Variants in DIPK2A observed in about 807,000 individuals in gnomAD.
The protein encoded by DIPK2A is divergent protein kinase domain 2A.
DIPK2A carries 27 observed loss-of-function variants against 39.0 expected under a neutral mutation model. The observed-to-expected ratio is 0.69, with a 90% CI of 0.51 to 0.96. The LOEUF (loss-of-function observed/expected upper bound fraction) is 0.96, where lower values mean the gene tolerates loss of function less well. DIPK2A is among the 40% of genes least tolerant of loss of function. DIPK2A has a pLI of 0.00. For missense variants in DIPK2A, 528 were observed against 571.3 expected (o/e 0.92, Z 0.77); for synonymous variants, 298 against 240.8 (o/e 1.24, Z -2.20).
chr3:143,986,981 A>G (rs571939264), intron 2 of DIPK2A, among the ~76,000 whole-genome samples: 29 of 152,220 alleles, frequency 1.9e-4, no homozygotes, highest in African/African-American at 7.0e-4. Context: ...TTAGGTTGAC[A>G]TTTACTTTTT....
chr3:143,975,208 T>C (rs2087711698), intron 1 of DIPK2A, among the ~76,000 whole-genome samples: 1 of 152,094 alleles, frequency 6.6e-6, no homozygotes, highest in South Asian at 2.1e-4. Context: ...TTCCCAGGAA[T>C]AGTACTAATA....
At chr3:143,982,046 A>G (rs1279587288) in intron 1 of DIPK2A, among the ~76,000 whole-genome samples, 1 of 152,228 alleles carries the variant, frequency 6.6e-6, no homozygotes, top group Non-Finnish European at 1.5e-5. Context: ...TATCAGTAAT[A>G]AAAAACAAGT....
chr3:143,982,573 C>G (rs567231915), intron 1 of DIPK2A, among the ~76,000 whole-genome samples: 1 of 152,236 alleles, frequency 6.6e-6, no homozygotes, highest in African/African-American at 2.4e-5. Context: ...ACCACCAGGC[C>G]TGCCTTACAA....
Position 143,989,607 on chromosome 3 carries a change from T to C in DIPK2A, c.1059T>C (p.Arg353=). 1.2e-6 allele frequency: 2 copies of C among 1,614,240 alleles called. No homozygotes were observed. The highest frequency in any genetic ancestry group is 2.2e-5 in the South Asian group (2 of 91,092). ...LSFSKEILCA[R]ATVDHNYYAV... Reference sequence around the variant, plus strand: ...TTTCAAAAGAAATTCTTTGTGCTCGTGCCACTGTGGACCACAATTACTATG... The same window carrying C: ...TTTCAAAAGAAATTCTTTGTGCTCGCGCCACTGTGGACCACAATTACTATG... The change falls in exon 3 of 3, where the codon CGT becomes CGC. Residue 353 remains arginine, a synonymous_variant. Transcript: ENST00000315691.
intron 2 of DIPK2A, among the ~76,000 whole-genome samples, chr3:143,987,122 C>A (rs1177886817): frequency 6.6e-6 from 1 of 152,130 alleles, no homozygotes; most frequent in Non-Finnish European, 1.5e-5. Context: ...GAAGTGAACA[C>A]CCTGCTGGAG....
At position 143,973,184 on chromosome 3, in the gene DIPK2A, G is replaced by T. The variant is rs772481131; in HGVS notation, c.657+195G>T. On this transcript the variant is annotated intron_variant, in intron 1 of 2. Transcript: ENST00000315691. ...GAGGCCGAGGGCGACCCCGCTGATGGAGAGTCTGCTCTTGTTACCTAGATT... is the reference window on the plus strand; with the variant it reads ...GAGGCCGAGGGCGACCCCGCTGATGTAGAGTCTGCTCTTGTTACCTAGATT... The T allele has an allele frequency of 5.0e-6, 5 of 997,130 alleles. No homozygotes were observed. In the South Asian group the frequency reaches 5.5e-5, roughly 11 times the overall value. The allele number at this position is 997,130 out of a possible 1,614,324, so 61.8% of individuals were successfully genotyped here.
chr3:143,981,403 C>T (rs2087827324), intron 1 of DIPK2A, among the ~76,000 whole-genome samples: 1 of 152,118 alleles, frequency 6.6e-6, no homozygotes, highest in African/African-American at 2.4e-5. Context: ...TTTCCCCATT[C>T]ATTTCACTGC....
chr3:143,989,598 T>C lies in DIPK2A; in HGVS notation c.1050T>C (p.Leu350=). The C allele has an allele frequency of 6.2e-7, 1 of 1,614,220 alleles. No individual in the cohort carries two copies. The highest frequency in any genetic ancestry group is 8.5e-7 in the Non-Finnish European group (1 of 1,180,030). ...EACLSFSKEI[L]CARATVDHNY... ...GCTTATCATTTTCAAAAGAAATTCT[T>C]TGTGCTCGTGCCACTGTGGACCACA... Residue 350 remains leucine, a synonymous_variant, in exon 3 of 3, where the codon CTT becomes CTC. Transcript: ENST00000315691.
chr3:143,981,072 C>A (rs1258165319), intron 1 of DIPK2A, among the ~76,000 whole-genome samples: 1 of 152,138 alleles, frequency 6.6e-6, no homozygotes, highest in Non-Finnish European at 1.5e-5. Flanking sequence ...TATTCCATGT[C>A]CACCCTTTTC....
chr3:143,988,009 C>T (rs9683376), intron 2 of DIPK2A, among the ~76,000 whole-genome samples: 85,509 of 152,030 alleles, frequency 0.56, 26,532 homozygotes, highest in African/African-American at 0.84. Flanking sequence ...TTAAATGGTT[C>T]TAATGACTTC....
At chr3:143,986,391 T>C (rs1301145522) in intron 2 of DIPK2A, among the ~76,000 whole-genome samples, 2 of 152,206 alleles carry the variant, frequency 1.3e-5, no homozygotes, top group African/African-American at 4.8e-5. Context: ...TACTTTTGAG[T>C]TCTTCATGGG....
At chr3:143,976,376 G>T (rs1017383831) in intron 1 of DIPK2A, among the ~76,000 whole-genome samples, 2 of 151,860 alleles carry the variant, frequency 1.3e-5, no homozygotes, top group African/African-American at 4.8e-5. Flanking sequence ...AAAAAAAATG[G>T]AGGAGAGGAA....
At position 143,972,560 on chromosome 3, in the gene DIPK2A, G is replaced by T; in HGVS notation, c.228G>T (p.Ala76=). Residue 76 remains alanine, a synonymous_variant, in exon 1 of 3, where the codon GCG becomes GCT. Transcript: ENST00000315691. ...TCAACGGGCAGGTGGTATTCGAGGCGTGGGGCCGCTTGCGCCTGCTGGACT... is the reference window on the plus strand; with the variant it reads ...TCAACGGGCAGGTGGTATTCGAGGCTTGGGGCCGCTTGCGCCTGCTGGACT... ...RFLNGQVVFE[A]WGRLRLLDFL... The T allele has an allele frequency of 6.2e-7, 1 of 1,612,330 alleles. No individual in the cohort carries two copies. The highest frequency in any genetic ancestry group is 8.5e-7 in the Non-Finnish European group (1 of 1,179,720).
chr3:143,973,526 G>C, intron 1 of DIPK2A: 2 of 1,551,668 alleles, frequency 1.3e-6, no homozygotes, highest in African/African-American at 1.4e-5. Flanking sequence ...AGGACAAGTT[G>C]GGGAGGATGA....
chr3:143,990,338 G>A lies in DIPK2A; in HGVS notation c.*497G>A, dbSNP rs1045606149. ...TTAAATTTTGAAAATTCAGGTTACT[G>A]TAGGTGTTCATTTAAATTTTTAATA... On this transcript the variant is annotated 3_prime_UTR_variant, in exon 3 of 3. Transcript: ENST00000315691. 1.4e-5 allele frequency: 2 copies of A among 144,598 alleles called. No individual in the cohort carries two copies. Among genetic ancestry groups the A allele is most frequent in the African/African-American group, 5.2e-5 (2 of 38,776 alleles). The allele number at this position is 144,598 out of a possible 1,614,324, so 9.0% of individuals were successfully genotyped here.
rs769036160 is a variant in DIPK2A, at chr3:143,985,180, A to G, written c.658-363A>G. Among the ~76,000 whole-genome samples, 33 of 152,256 alleles carry G rather than the reference A, an allele frequency of 2.2e-4. 1 individual carries two copies. Among genetic ancestry groups the G allele is most frequent in the Middle Eastern group, 6.3e-3 (2 of 316 alleles). On this transcript the variant is annotated intron_variant, in intron 1 of 2. Transcript: ENST00000315691. ...AGGCTGCAGTGCTATCAGTTTAAATAAAAGGATTGGTTGATTACATTTACA... is the reference window on the plus strand; with the variant it reads ...AGGCTGCAGTGCTATCAGTTTAAATGAAAGGATTGGTTGATTACATTTACA...
In DIPK2A at chr3:143,972,661, A is replaced by G; in HGVS notation, c.329A>G (p.Lys110Arg). ...REGGRRRVVL[K>R]RLGSQRELAQ... Reference sequence around the variant, plus strand: ...GGCGGCCGCCGCCGAGTGGTGCTCAAGCGCCTCGGCTCGCAGCGCGAGCTG... The same window carrying G: ...GGCGGCCGCCGCCGAGTGGTGCTCAGGCGCCTCGGCTCGCAGCGCGAGCTG... Residue 110 changes from lysine (K) to arginine (R), a missense_variant, in exon 1 of 3, where the codon AAG becomes AGG. By Grantham distance (26) the Lys-to-Arg change is conservative. Around this residue, in one of 2 missense-constraint regions of DIPK2A, gnomAD observed 309 missense variants for 289.8 expected, o/e 1.07. Transcript: ENST00000315691. The G allele has an allele frequency of 6.2e-7, 1 of 1,609,958 alleles. No individual in the cohort carries two copies. Among genetic ancestry groups the G allele is most frequent in the Non-Finnish European group, 8.5e-7 (1 of 1,178,486 alleles).
At chr3:143,978,972 A>G (rs544272055) in intron 1 of DIPK2A, among the ~76,000 whole-genome samples, 1 of 152,220 alleles carries the variant, frequency 6.6e-6, no homozygotes, top group South Asian at 2.1e-4. Flanking sequence ...TTTAAAGATT[A>G]AAGAAGAAAG....
At chr3:143,985,883 T>A (rs937965921) in intron 2 of DIPK2A, 37 bp downstream of exon 2, 8 of 1,506,674 alleles carry the variant, frequency 5.3e-6, no homozygotes, top group Non-Finnish European at 7.2e-6. Context: ...CTACTCATTT[T>A]TTCCTATGTC....
Sources: allele counts gnomAD v4.1 joint callset (sites outside exome capture counted in the v4.1 genomes callset), GRCh38; gene constraint gnomAD v4.1.1; regional missense constraint gnomAD v4.1.1; transcripts MANE v1.5; gene names NCBI Gene and HGNC (gene_info 2026-07-23, HGNC 2026-07-21).